C1S: variants seen among roughly 807,000 people sequenced by gnomAD.
C1S encodes the protein complement C1s.
In C1S, 31 loss-of-function variants were observed where a neutral mutation model predicts 54.0. The ratio of observed to expected loss-of-function variants is 0.57; its 90% CI spans 0.43 to 0.78. C1S has a LOEUF of 0.78. Ranked by LOEUF, C1S falls within the 30% of genes least tolerant of loss-of-function variation. The probability of loss-of-function intolerance (pLI) is 0.00; values close to 1 mark genes in which losing one functional copy is unlikely to be tolerated. For missense variants in C1S, 727 were observed against 851.8 expected, an observed-to-expected ratio of 0.85 and a Z score of 1.82; for synonymous variants, 292 against 303.6, an observed-to-expected ratio of 0.96 and a Z score of 0.40.
At position 7,067,636 on chromosome 12, in the gene C1S, C is replaced by G; in HGVS notation, c.1067-7C>G. On this transcript the variant is annotated splice_region_variant and splice_polypyrimidine_tract_variant and intron_variant, in intron 9 of 11. Coordinates refer to ENST00000360817, the MANE Select transcript of C1S (RefSeq NM_001734.5). ...CTGACCATCGCTCTCCTTCCTTCGT[C>G]TGGTAGCTGTGGACTGTGGCATTCC... is the stretch of plus-strand genomic sequence containing the variant. 6.2e-7 allele frequency: 1 copy of G among 1,613,878 alleles called. No individual in the cohort carries two copies. The highest frequency in any genetic ancestry group is 8.5e-7 in the Non-Finnish European group (1 of 1,179,976).
Position 7,070,437 on chromosome 12 carries a change from G to T in C1S, c.1853G>T (p.Cys618Phe), listed in dbSNP as rs138670941. The T allele has an allele frequency of 1.2e-6, 2 of 1,614,244 alleles. No individual in the cohort carries two copies. The highest frequency in any genetic ancestry group is 1.7e-6 in the Non-Finnish European group (2 of 1,180,040). The change falls in exon 12 of 12, where the codon TGT becomes TTT. Residue 618 changes from cysteine (C) to phenylalanine (F), a missense_variant. Coordinates refer to ENST00000360817, the MANE Select transcript of C1S (RefSeq NM_001734.5). The surrounding 1 kb of genome is among the most constrained non-coding windows in gnomAD (Gnocchi z 4.9). ...EAYVFTPNMICAGGEKGMDSC... is the reference protein window; with the variant it reads ...EAYVFTPNMIFAGGEKGMDSC... ...TATGTTTTCACTCCTAACATGATCT[G>T]TGCTGGAGGAGAGAAGGGCATGGAT...
intron 4 of C1S, 197 bp downstream of exon 4, chr12:7,063,264 G>A: frequency 1.7e-6 from 1 of 605,538 alleles, no homozygotes; most frequent in Non-Finnish European, 3.0e-6. Flanking sequence ...GATGATCATG[G>A]TAATAACACA....
intron 8 of C1S, 177 bp from the exon 9 acceptor site, chr12:7,066,862 T>TG (rs1386093911): frequency 1.4e-6 from 1 of 711,548 alleles, no homozygotes; most frequent in African/African-American, 1.8e-5. Context: ...GTTGACACGT[T>TG]GGGGCAAAGC....
In C1S at chr12:7,070,475, G is replaced by A. The variant is rs782040823; in HGVS notation, c.1891G>A (p.Asp631Asn). 3.3e-5 allele frequency: 53 copies of A among 1,614,144 alleles called. No homozygotes were observed. Among genetic ancestry groups the A allele is most frequent in the Non-Finnish European group, 2.5e-6 (3 of 1,180,062 alleles). ...GEKGMDSCKGDSGGAFAVQDP... is the reference protein window; with the variant it reads ...GEKGMDSCKGNSGGAFAVQDP... ...GAAGGGCATGGATAGCTGTAAAGGGGACAGTGGTGGGGCCTTTGCTGTACA... is the reference window on the plus strand; with the variant it reads ...GAAGGGCATGGATAGCTGTAAAGGGAACAGTGGTGGGGCCTTTGCTGTACA... Residue 631 changes from aspartate (D) to asparagine (N), a missense_variant, in exon 12 of 12, where the codon GAC (aspartate) becomes AAC (asparagine). This residue lies in a region of C1S where 360 missense variants were observed against 453.6 expected (regional missense o/e 0.79). Coordinates refer to ENST00000360817, the MANE Select transcript of C1S (RefSeq NM_001734.5). This position sits in a 1 kb window ranked among gnomAD's most constrained non-coding sequence, Gnocchi z 4.9.
rs1591579758 is a variant in C1S at position 7,067,366 on chromosome 12, T to A, written c.1066+249T>A. ...GGTCGAGTTAGTAGCCCCACGTGGG[T>A]GCATTTGTGGCTTCCACTGGGCCTT... On this transcript the variant is annotated intron_variant, in intron 9 of 11. Coordinates refer to ENST00000360817, the MANE Select transcript of C1S (RefSeq NM_001734.5). 2.9e-5 allele frequency: 18 copies of A among 623,966 alleles called. No individual in the cohort carries two copies. In the East Asian group the frequency reaches 5.0e-4, roughly 17 times the overall value. The allele number at this position is 623,966 out of a possible 1,614,324, so 38.7% of individuals were successfully genotyped here.
intron 6 of C1S, 84 bp from the exon 7 acceptor site, chr12:7,065,733 C>A: frequency 1.8e-6 from 2 of 1,098,678 alleles, no homozygotes; most frequent in Non-Finnish European, 2.8e-6. Context: ...ACATTTAATG[C>A]CTCTTTTATT....
intron 11 of C1S, 71 bp from the exon 12 acceptor site, chr12:7,069,784 G>A (rs2135729231): frequency 7.9e-7 from 1 of 1,266,254 alleles, no homozygotes; most frequent in East Asian, 2.3e-5. Context: ...CATTATGTGA[G>A]TGGTTGGAGG....
chr12:7,065,846 T>G lies in C1S; in HGVS notation c.747T>G (p.Pro249=). The G allele has an allele frequency of 3.7e-6, 6 of 1,613,850 alleles. No homozygotes were observed. The highest frequency in any genetic ancestry group is 5.1e-6 in the Non-Finnish European group (6 of 1,179,710). Residue 249 remains proline, a synonymous_variant, in exon 7 of 12, where the codon CCT becomes CCG. Transcript: ENST00000360817. The part of the protein sequence containing the change: ...VFVAGDRQFG[P]YCGHGFPGPL... Reference sequence around the variant, plus strand: ...TTGCAGGAGATCGGCAATTTGGTCCTTACTGTGGTCATGGATTCCCTGGGC... The same window carrying G: ...TTGCAGGAGATCGGCAATTTGGTCCGTACTGTGGTCATGGATTCCCTGGGC...
Position 7,062,194 on chromosome 12 carries a change from G to T in C1S, c.5+277G>T. The T allele has an allele frequency of 2.3e-5, 13 of 569,380 alleles. No individual in the cohort carries two copies. The South Asian group carries it at 2.7e-4, about 12-fold the overall frequency. The allele number at this position is 569,380 out of a possible 1,614,324, so 35.3% of individuals were successfully genotyped here. A position where few individuals can be genotyped will look rare whatever the true frequency, so the allele number is the denominator to read the frequency against. ...GCTGAGGTGGTAGAATCACTTGAGC[G>T]CGGGAGGTCAAGGCTGCAGTGACCT... On this transcript the variant is annotated intron_variant, in intron 2 of 11. Coordinates refer to ENST00000360817, the MANE Select transcript of C1S (RefSeq NM_001734.5).
At chr12:7,064,619 G>GAGATTTT (rs1428369292) in intron 5 of C1S, among the ~76,000 whole-genome samples, 1 of 152,106 alleles carries the variant, frequency 6.6e-6, no homozygotes, top group Non-Finnish European at 1.5e-5. Flanking sequence ...GGTCAATTCT[G>GAGATTTT]AGATTTTAGT....
In C1S at chr12:7,063,679, T is replaced by TA. The variant is rs1555161633; in HGVS notation, c.392-588_392-587insA. 5.9e-5 allele frequency among the ~76,000 whole-genome samples: 9 copies of TA among 152,282 alleles called. No individual in the cohort carries two copies. In the East Asian group the frequency reaches 1.4e-3, roughly 23 times the overall value. ...TGATGTTTACCTTGCAGAGTGTCAT[T>TA]CCTGGAGCTGAAATGCTCTGTACAT... On this transcript the variant is annotated intron_variant, in intron 4 of 11. Coordinates refer to ENST00000360817, the MANE Select transcript of C1S (RefSeq NM_001734.5).
chr12:7,066,437 T>C (rs1937662028), intron 7 of C1S, 81 bp from the exon 8 acceptor site: 1 of 829,208 alleles, frequency 1.2e-6, no homozygotes, highest in Admixed American at 1.8e-5. Flanking sequence ...TTTTAGAAAG[T>C]GTGAGAATGA....
intron 1 of C1S, 123 bp from the exon 2 acceptor site, chr12:7,061,716 G>A (rs782532003): frequency 5.4e-5 from 37 of 689,348 alleles, no homozygotes; most frequent in Non-Finnish European, 8.1e-5. Context: ...ATGTGGGGAT[G>A]TTGGTGATAT....
rs782288924 is a variant in C1S at position 7,067,056 on chromosome 12, A to G, written c.1005A>G (p.Thr335=). The G allele has an allele frequency of 5.0e-6, 8 of 1,612,146 alleles. No homozygotes were observed. Among genetic ancestry groups the G allele is most frequent in the Non-Finnish European group, 5.9e-6 (7 of 1,178,126 alleles). The change falls in exon 9 of 12, where the codon ACA becomes ACG. Residue 335 remains threonine (T), a synonymous_variant. Transcript: ENST00000360817. ...FEVVEGRVGA[T]SFYSTCQSNG... is the part of the protein sequence containing the mutation. Reference sequence around the variant, plus strand: ...TTCTCCAGGGACGTGTTGGTGCAACATCTTTCTATTCGACTTGTCAAAGCA... The same window carrying G: ...TTCTCCAGGGACGTGTTGGTGCAACGTCTTTCTATTCGACTTGTCAAAGCA...
At chr12:7,067,295 C>A in intron 9 of C1S, 178 bp downstream of exon 9, 2 of 665,794 alleles carry the variant, frequency 3.0e-6, no homozygotes, top group South Asian at 1.7e-5. Context: ...TGGTCCCAGG[C>A]CAACTAGATC....
chr12:7,066,654 C>A (rs1555162306), intron 8 of C1S, 21 bp downstream of exon 8: 1 of 1,397,232 alleles, frequency 7.2e-7, no homozygotes, highest in South Asian at 1.2e-5. Flanking sequence ...ACCTTGGCTT[C>A]TCCCCAGTCC....
At chr12:7,069,396 T>G (rs1441981406) in intron 11 of C1S, among the ~76,000 whole-genome samples, 4 of 152,180 alleles carry the variant, frequency 2.6e-5, no homozygotes, top group Admixed American at 6.5e-5. Flanking sequence ...AGGACTCCAG[T>G]AAAGAAGGTG....
rs782650065 is a variant in C1S at position 7,067,687 on chromosome 12, G to A, written c.1111G>A (p.Glu371Lys). The change falls in exon 10 of 12, where the codon GAA becomes AAA. Residue 371 changes from glutamate to lysine, a missense_variant. Physicochemically the swap from Glu to Lys is moderately conservative, Grantham distance 56. Around this residue, in one of 3 missense-constraint regions of C1S, gnomAD observed 360 missense variants for 453.6 expected, o/e 0.79. Coordinates refer to ENST00000360817, the MANE Select transcript of C1S (RefSeq NM_001734.5). ...TGAATCCATTGAGAATGGTAAAGTT[G>A]AAGACCCAGAGAGCACTTTGTTTGG... is the stretch of plus-strand genomic sequence containing the variant. ...IPESIENGKVEDPESTLFGSV... is the reference protein window; with the variant it reads ...IPESIENGKVKDPESTLFGSV... 1.1e-5 allele frequency: 17 copies of A among 1,613,942 alleles called. No individual in the cohort carries two copies. Among genetic ancestry groups the A allele is most frequent in the Non-Finnish European group, 2.5e-6 (3 of 1,179,940 alleles).
rs184438531 is a variant in C1S, at chr12:7,067,994, C to T, written c.1195+223C>T. On this transcript the variant is annotated intron_variant, in intron 10 of 11. Transcript: ENST00000360817. ...TCATAGAGGTCACCAACTGAGTTCACAGCTGCAGCAGGAATTCCCCTACAA... is the reference window on the plus strand; with the variant it reads ...TCATAGAGGTCACCAACTGAGTTCATAGCTGCAGCAGGAATTCCCCTACAA... 3.3e-3 allele frequency among the ~76,000 whole-genome samples: 497 copies of T among 152,336 alleles called. 2 individuals carry two copies. The highest frequency in any genetic ancestry group is 5.2e-3 in the Non-Finnish European group (356 of 68,026).
Sources: allele counts gnomAD v4.1 joint callset (sites outside exome capture counted in the v4.1 genomes callset), GRCh38; gene constraint gnomAD v4.1.1; regional missense constraint gnomAD v4.1.1; non-coding constraint Gnocchi (gnomAD v3.1); transcripts MANE v1.5; gene names NCBI Gene and HGNC (gene_info 2026-07-23, HGNC 2026-07-21).